The following KLHL14 variants were observed in gnomAD, a reference collection of about 807,000 sequenced individuals.
KLHL14 encodes kelch like family member 14, also known as kelch-like protein 14.
KLHL14 carries 22 observed loss-of-function variants against 64.3 expected under a neutral mutation model. The ratio of observed to expected loss-of-function variants is 0.34; its 90% CI spans 0.24 to 0.49. KLHL14 has a LOEUF of 0.49. Ranked by LOEUF, KLHL14 falls within the 20% of genes least tolerant of loss-of-function variation. The pLI, the probability that KLHL14 is intolerant of heterozygous loss-of-function variation, is 0.99. For synonymous variants in KLHL14, 322 were observed against 333.4 expected (o/e 0.97, Z 0.37); for missense variants, 661 against 789.0 (o/e 0.84, Z 1.94).
intron 2 of KLHL14, 74 bp from the exon 3 acceptor site, chr18:32,742,123 C>A: frequency 6.8e-7 from 1 of 1,467,836 alleles, no homozygotes; most frequent in Admixed American, 2.2e-5. Context: ...GAAATCATAA[C>A]CATCAAAGAA....
Position 32,770,103 on chromosome 18 carries a change from G to T in KLHL14, c.489C>A (p.Ile163=). The T allele has an allele frequency of 6.2e-7, 1 of 1,614,198 alleles. No homozygotes were observed. The highest frequency in any genetic ancestry group is 8.5e-7 in the Non-Finnish European group (1 of 1,180,042). Residue 163 remains isoleucine, a synonymous_variant, in exon 2 of 9, where the codon ATC becomes ATA. Transcript: ENST00000359358. This position sits in a 1 kb window ranked among gnomAD's most constrained non-coding sequence, Gnocchi z 6.7. ...TVEEVLSVSK[I]LHIPQVTKLC... ...GCTTGGTGACCTGGGGGATGTGCAG[G>T]ATCTTGCTGACCGACAGCACCTCCT...
At chr18:32,748,284 G>A (rs569572577) in intron 2 of KLHL14, among the ~76,000 whole-genome samples, 22 of 151,894 alleles carry the variant, frequency 1.4e-4, no homozygotes, top group Non-Finnish European at 2.4e-4. Flanking sequence ...GCGTGATCTC[G>A]GCTCATTGCA....
At chr18:32,709,646 G>T (rs2050009138) in intron 3 of KLHL14, among the ~76,000 whole-genome samples, 1 of 152,004 alleles carries the variant, frequency 6.6e-6, no homozygotes, top group South Asian at 2.1e-4. Flanking sequence ...ATGGAATCTT[G>T]CTATGTTGCC....
intron 3 of KLHL14, among the ~76,000 whole-genome samples, chr18:32,701,429 G>A (rs2049965832): frequency 6.6e-6 from 1 of 152,186 alleles, no homozygotes; most frequent in African/African-American, 2.4e-5. Flanking sequence ...TGCAGAAGTG[G>A]GAATGAGTTG....
At chr18:32,714,269 G>C (rs772566808) in intron 3 of KLHL14, among the ~76,000 whole-genome samples, 1 of 152,152 alleles carries the variant, frequency 6.6e-6, no homozygotes, top group Non-Finnish European at 1.5e-5. Flanking sequence ...CTCCTTGTGT[G>C]TTAGCTCCAT....
chr18:32,677,457 C>G (rs536158712), intron 7 of KLHL14, 127 bp from the exon 8 acceptor site: 254 of 820,260 alleles, frequency 3.1e-4, no homozygotes, highest in Middle Eastern at 7.5e-4. Flanking sequence ...GACACAAATG[C>G]ATAAATTCAC....
intron 3 of KLHL14, among the ~76,000 whole-genome samples, chr18:32,716,321 C>T (rs2144504997): frequency 6.6e-6 from 1 of 151,970 alleles, no homozygotes; most frequent in African/African-American, 2.4e-5. Flanking sequence ...AATTATCAAT[C>T]ATGTATCAGC....
intron 3 of KLHL14, among the ~76,000 whole-genome samples, chr18:32,729,835 T>TTCAAC (rs1406921400): frequency 6.6e-6 from 1 of 152,150 alleles, no homozygotes; most frequent in Admixed American, 6.6e-5. Flanking sequence ...GGGGACACAA[T>TTCAAC]TCAACTCACT....
intron 2 of KLHL14, among the ~76,000 whole-genome samples, chr18:32,749,627 A>C (rs2050241502): frequency 6.6e-6 from 1 of 152,196 alleles, no homozygotes; most frequent in African/African-American, 2.4e-5. Context: ...TGATACTTTC[A>C]ACATAATCCA....
intron 7 of KLHL14, among the ~76,000 whole-genome samples, chr18:32,679,574 C>G (rs1008048853): frequency 6.6e-6 from 1 of 151,810 alleles, no homozygotes; most frequent in South Asian, 2.1e-4. Context: ...AAGTTGCAGT[C>G]GTATACATAT....
intron 2 of KLHL14, among the ~76,000 whole-genome samples, chr18:32,756,225 G>A (rs1184403206): frequency 2.0e-5 from 3 of 152,164 alleles, no homozygotes; most frequent in African/African-American, 4.8e-5. Context: ...CTGCATGTAA[G>A]CACAGAGAAA....
chr18:32,760,560 C>T (rs539686674), intron 2 of KLHL14, among the ~76,000 whole-genome samples: 15 of 152,334 alleles, frequency 9.8e-5, no homozygotes, highest in African/African-American at 3.4e-4. Context: ...CTTCAGTTCA[C>T]TTCTCTGCAG....
intron 5 of KLHL14, among the ~76,000 whole-genome samples, chr18:32,682,471 G>A (rs540843635): frequency 1.3e-5 from 2 of 152,252 alleles, no homozygotes; most frequent in East Asian, 3.9e-4. Flanking sequence ...GGGTCCGTGA[G>A]CCTCTGAAAT....
intron 1 of KLHL14, among the ~76,000 whole-genome samples, chr18:32,771,610 A>T (rs1472246692): frequency 6.6e-6 from 1 of 151,958 alleles, no homozygotes; most frequent in Non-Finnish European, 1.5e-5. Context: ...GGCACCGAGG[A>T]CTCAGGGGGA....
At chr18:32,727,161 G>C (rs1257595343) in intron 3 of KLHL14, among the ~76,000 whole-genome samples, 1 of 152,218 alleles carries the variant, frequency 6.6e-6, no homozygotes, top group African/African-American at 2.4e-5. Context: ...AGGAACAAAA[G>C]CTGCTTCTTA....
At chr18:32,751,322 G>A (rs534921340) in intron 2 of KLHL14, among the ~76,000 whole-genome samples, 1 of 152,164 alleles carries the variant, frequency 6.6e-6, no homozygotes, top group Non-Finnish European at 1.5e-5. Context: ...TATCATAGCT[G>A]TTCTTGGTAA....
chr18:32,725,902 C>A (rs557144545), intron 3 of KLHL14, among the ~76,000 whole-genome samples: 46 of 152,296 alleles, frequency 3.0e-4, no homozygotes, highest in Admixed American at 1.0e-3. Context: ...GCCTTGGTTT[C>A]CTCCTCTATG....
At chr18:32,696,200 T>C (rs2049935971) in intron 3 of KLHL14, among the ~76,000 whole-genome samples, 1 of 152,194 alleles carries the variant, frequency 6.6e-6, no homozygotes, top group Non-Finnish European at 1.5e-5. Context: ...GTAACAAAGA[T>C]GAAAACTGTC....
chr18:32,770,115 C>A lies in KLHL14; in HGVS notation c.477G>T (p.Ser159=). The A allele has an allele frequency of 6.2e-7, 1 of 1,614,150 alleles. No individual in the cohort carries two copies. Residue 159 remains serine, a synonymous_variant, in exon 2 of 9, where the codon TCG becomes TCT. Coordinates refer to ENST00000359358, the MANE Select transcript of KLHL14 (RefSeq NM_020805.3). This position sits in a 1 kb window ranked among gnomAD's most constrained non-coding sequence, Gnocchi z 6.7. ...GGGGGATGTGCAGGATCTTGCTGAC[C>A]GACAGCACCTCCTCCACCGTGTCCA... ...LSLDTVEEVL[S]VSKILHIPQV...
Sources: gnomAD v4.1 joint callset for allele counts (sites outside exome capture counted in the v4.1 genomes callset) on GRCh38, gnomAD v4.1.1 for gene constraint, Gnocchi (gnomAD v3.1) non-coding constraint, MANE v1.5 for transcripts, NCBI Gene and HGNC (gene_info 2026-07-23, HGNC 2026-07-21) for gene names.